The following SMARCAL1 variants were observed in gnomAD, a reference collection of about 807,000 sequenced individuals.
SMARCAL1 encodes ATP-driven annealing helicase.
A neutral mutation model predicts 94.5 loss-of-function variants in SMARCAL1; 58 were observed. The ratio of observed to expected loss-of-function variants is 0.61; its 90% CI spans 0.50 to 0.76. SMARCAL1 has a LOEUF of 0.76. Among genes scored for constraint, SMARCAL1 ranks in the 30% least tolerant of loss-of-function variants. The pLI, the probability that SMARCAL1 is intolerant of heterozygous loss-of-function variation, is 0.00. For missense variants in SMARCAL1, 1,051 were observed against 1,177.9 expected, an observed-to-expected ratio of 0.89 and a Z score of 1.58; for synonymous variants, 422 against 455.1, an observed-to-expected ratio of 0.93 and a Z score of 0.93.
In SMARCAL1 at chr2:216,477,093, A is replaced by ATT. The variant is rs748723445; in HGVS notation, c.2428-15_2428-14dup. The ATT allele has an allele frequency of 6.4e-7, 1 of 1,557,798 alleles. No individual in the cohort carries two copies. The highest frequency in any genetic ancestry group is 1.2e-5 in the South Asian group (1 of 84,596). ...TTCAGGCCTTTACCTGCCTGTCTCA[A>ATT]TTCCTGGACACACAGGTGCTGATCC... is the stretch of plus-strand genomic sequence containing the variant. On this transcript the variant is annotated splice_polypyrimidine_tract_variant and intron_variant, in intron 15 of 17. Transcript: ENST00000357276.
At chr2:216,478,511 C>T (rs1298717418) in intron 17 of SMARCAL1, among the ~76,000 whole-genome samples, 1 of 152,230 alleles carries the variant, frequency 6.6e-6, no homozygotes, top group African/African-American at 2.4e-5. Flanking sequence ...CAGCTGCTGA[C>T]ATTCCCGCAC....
In SMARCAL1 at chr2:216,475,012, T is replaced by C. The variant is rs553507421; in HGVS notation, c.2245-257T>C. Among the ~76,000 whole-genome samples the C allele has an allele frequency of 6.6e-6, 1 of 152,372 alleles. No individual in the cohort carries two copies. Among genetic ancestry groups the C allele is most frequent in the Non-Finnish European group, 1.5e-5 (1 of 68,042 alleles). Reference sequence around the variant, plus strand: ...AGTCAGCATCCTGGCTGTGGTATTATACTATAGTTTTTATAGAATGTTACC... The same window carrying C: ...AGTCAGCATCCTGGCTGTGGTATTACACTATAGTTTTTATAGAATGTTACC... On this transcript the variant is annotated intron_variant, in intron 14 of 17. Transcript: ENST00000357276. This position sits in a 1 kb window ranked among gnomAD's most constrained non-coding sequence, Gnocchi z 4.4.
intron 12 of SMARCAL1, among the ~76,000 whole-genome samples, chr2:216,457,141 A>G (rs1403495516): frequency 6.6e-6 from 1 of 152,354 alleles, no homozygotes; most frequent in East Asian, 1.9e-4. Context: ...AGAGCTAACT[A>G]TCCTAAATAT....
chr2:216,427,941 C>G (rs1043514944), intron 6 of SMARCAL1, among the ~76,000 whole-genome samples: 1 of 152,148 alleles, frequency 6.6e-6, no homozygotes, highest in Non-Finnish European at 1.5e-5. Context: ...AAATAATACC[C>G]AGTTTCTCTT....
chr2:216,470,194 G>A (rs1255002290), intron 14 of SMARCAL1, among the ~76,000 whole-genome samples: 2 of 151,756 alleles, frequency 1.3e-5, no homozygotes, highest in African/African-American at 4.8e-5. Flanking sequence ...TCCGTTGCCC[G>A]GGCTGGAGTG....
In SMARCAL1 at chr2:216,461,829, CAA is replaced by C. The variant is rs368442196; in HGVS notation, c.2071-2755_2071-2754del. Among the ~76,000 whole-genome samples, 499 of 111,918 alleles carry C rather than the reference CAA, an allele frequency of 4.5e-3. 2 individuals carry two copies. Among genetic ancestry groups the C allele is most frequent in the African/African-American group, 0.015 (470 of 31,350 alleles). The allele number at this position is 111,918 out of a possible 152,430, so 73.4% of individuals were successfully genotyped here. A position where few individuals can be genotyped will look rare whatever the true frequency, so the allele number is the denominator to read the frequency against. On this transcript the variant is annotated intron_variant, in intron 12 of 17. Transcript: ENST00000357276. ...AGTGTGACAGACAGAGACCTTGTCTCAAAAAAAAAAAAAACAAACCATAATAT... is the reference window on the plus strand; with the variant it reads ...AGTGTGACAGACAGAGACCTTGTCTCAAAAAAAAAAAACAAACCATAATAT...
chr2:216,438,781 C>G (rs1559128369), intron 10 of SMARCAL1, among the ~76,000 whole-genome samples: 1 of 152,148 alleles, frequency 6.6e-6, no homozygotes, highest in East Asian at 1.9e-4. Flanking sequence ...CTCCAGAATC[C>G]TCCTCTGGCT....
intron 15 of SMARCAL1, among the ~76,000 whole-genome samples, 161 bp from the exon 16 acceptor site, chr2:216,476,948 A>G (rs1695095356): frequency 6.6e-6 from 1 of 152,132 alleles, no homozygotes; most frequent in Non-Finnish European, 1.5e-5. Flanking sequence ...TAGGTCTGAG[A>G]TGGTAAAGTG....
Position 216,446,938 on chromosome 2 carries a change from C to T in SMARCAL1, c.1711-80C>T, listed in dbSNP as rs140524986. ...GGTCTTTTTCTGGGGGCATCCAGCT[C>T]CTCCCTCACTGGGGCATTTTGAACA... On this transcript the variant is annotated intron_variant, in intron 10 of 17. Coordinates refer to ENST00000357276, the MANE Select transcript of SMARCAL1 (RefSeq NM_014140.4). 3,793 of 1,572,676 alleles carry T rather than the reference C, an allele frequency of 2.4e-3. 39 individuals carry two copies. The African/African-American group carries it at 0.028, about 12-fold the overall frequency.
intron 12 of SMARCAL1, among the ~76,000 whole-genome samples, chr2:216,452,151 T>C (rs1694463633): frequency 6.6e-6 from 1 of 152,186 alleles, no homozygotes; most frequent in Non-Finnish European, 1.5e-5. Context: ...CATCTCTTTA[T>C]TGTGGAGTTT....
chr2:216,444,319 T>C (rs979530868), intron 10 of SMARCAL1, among the ~76,000 whole-genome samples: 5 of 152,128 alleles, frequency 3.3e-5, no homozygotes, highest in Non-Finnish European at 5.9e-5. Flanking sequence ...ATTTTTTTCC[T>C]AGTCTAGGGT....
intron 8 of SMARCAL1, among the ~76,000 whole-genome samples, chr2:216,434,918 G>T (rs531631091): frequency 1.3e-5 from 2 of 148,926 alleles, no homozygotes; most frequent in South Asian, 4.2e-4. Flanking sequence ...GAGTGCAATG[G>T]CGCGATCTCG....
chr2:216,458,418 A>G (rs923850352), intron 12 of SMARCAL1, among the ~76,000 whole-genome samples: 38 of 152,274 alleles, frequency 2.5e-4, no homozygotes, highest in Admixed American at 9.2e-4. Context: ...ATGAACATCA[A>G]TGCAAAAATC....
intron 13 of SMARCAL1, among the ~76,000 whole-genome samples, chr2:216,466,640 C>T (rs1049216963): frequency 4.0e-5 from 6 of 151,674 alleles, no homozygotes; most frequent in Non-Finnish European, 8.8e-5. Context: ...GGTTATAGAA[C>T]AACAAAGCTG....
intron 4 of SMARCAL1, among the ~76,000 whole-genome samples, chr2:216,417,262 A>G (rs1309556542): frequency 6.6e-6 from 1 of 152,240 alleles, no homozygotes; most frequent in Non-Finnish European, 1.5e-5. Flanking sequence ...AAATGTGTAC[A>G]TTAGGCGATA....
At chr2:216,481,096 C>G (rs920085445) in intron 17 of SMARCAL1, among the ~76,000 whole-genome samples, 1 of 152,078 alleles carries the variant, frequency 6.6e-6, no homozygotes, top group African/African-American at 2.4e-5. Context: ...TGGGAGACTA[C>G]GAGAATGCAG....
chr2:216,478,187 C>T lies in SMARCAL1; in HGVS notation c.2529-16C>T, dbSNP rs1356821327. The T allele has an allele frequency of 1.9e-6, 3 of 1,609,736 alleles. No homozygotes were observed. In the African/African-American group the frequency reaches 4.0e-5, roughly 22 times the overall value. ...TGTGCAGGTTGTATTCACTGCAGCT[C>T]ATTTCTCCCCAACAGGCCCCTGATT... On this transcript the variant is annotated splice_polypyrimidine_tract_variant and intron_variant, in intron 16 of 17. Coordinates refer to ENST00000357276, the MANE Select transcript of SMARCAL1 (RefSeq NM_014140.4).
rs1559130635 is a variant in SMARCAL1 at position 216,447,112 on chromosome 2, TC to T, written c.1810del (p.Gln604SerfsTer30). On this transcript the variant is annotated frameshift_variant, in exon 11 of 18. Coordinates refer to ENST00000357276, the MANE Select transcript of SMARCAL1 (RefSeq NM_014140.4). LOFTEE classifies it high-confidence loss of function. ...TQIIAVKPTF[F>X]PQFHAFGLRY... ...ATCATCGCAGTCAAGCCAACTTTCT[TC>T]CCCCAGTTTCATGCCTTTGGACTTC... 1 of 1,614,030 alleles carries T rather than the reference TC, an allele frequency of 6.2e-7. No individual in the cohort carries two copies. Among genetic ancestry groups the T allele is most frequent in the Non-Finnish European group, 8.5e-7 (1 of 1,179,998 alleles).
intron 5 of SMARCAL1, among the ~76,000 whole-genome samples, chr2:216,421,395 T>A (rs923025182): frequency 2.6e-5 from 4 of 152,106 alleles, no homozygotes; most frequent in Admixed American, 6.5e-5. Flanking sequence ...CCTCCCGGGT[T>A]CAAGTGATTT....
Sources: gnomAD v4.1 joint callset for allele counts (sites outside exome capture counted in the v4.1 genomes callset) on GRCh38, gnomAD v4.1.1 for gene constraint, Gnocchi (gnomAD v3.1) non-coding constraint, MANE v1.5 for transcripts, NCBI Gene and HGNC (gene_info 2026-07-23, HGNC 2026-07-21) for gene names.